Variants in LUZP2 observed in about 807,000 individuals in gnomAD.
LUZP2 encodes leucine zipper protein 2.
In LUZP2, 52 loss-of-function variants were observed where a neutral mutation model predicts 51.6. The observed-to-expected ratio is 1.01, with a 90% CI of 0.81 to 1.27. The LOEUF (loss-of-function observed/expected upper bound fraction) is 1.27. LUZP2 is among the 50% of genes most tolerant of loss of function. The pLI, the probability that LUZP2 is intolerant of heterozygous loss-of-function variation, is 0.00. For missense variants in LUZP2, 436 were observed against 395.4 expected, an observed-to-expected ratio of 1.10 and a Z score of -0.87; for synonymous variants, 154 against 137.3, an observed-to-expected ratio of 1.12 and a Z score of -0.85.
At chr11:25,020,215 G>C (rs1441719745) in intron 9 of LUZP2, among the ~76,000 whole-genome samples, 1 of 152,074 alleles carries the variant, frequency 6.6e-6, no homozygotes, top group Non-Finnish European at 1.5e-5. Flanking sequence ...ATTTTACTTT[G>C]GGGAAAATTA....
At chr11:24,673,899 A>G (rs1176787541) in intron 1 of LUZP2, among the ~76,000 whole-genome samples, 2 of 152,196 alleles carry the variant, frequency 1.3e-5, no homozygotes, top group African/African-American at 2.4e-5. Flanking sequence ...TTTGTTTTCT[A>G]TGACTATGTT....
At chr11:24,908,924 G>A (rs1853544646) in intron 6 of LUZP2, among the ~76,000 whole-genome samples, 2 of 151,340 alleles carry the variant, frequency 1.3e-5, no homozygotes, top group Non-Finnish European at 1.5e-5. Context: ...ACCACACCCA[G>A]CTAATTTTTT....
rs191657970 is a variant in LUZP2, at chr11:24,907,838, T to G, written c.459+1785T>G. Among the ~76,000 whole-genome samples, 70 of 152,310 alleles carry G rather than the reference T, an allele frequency of 4.6e-4. 3 individuals are homozygous for G. In the South Asian group the frequency reaches 0.012, roughly 26 times the overall value. On this transcript the variant is annotated intron_variant, in intron 6 of 11. Transcript: ENST00000336930. The stretch of plus-strand genomic sequence containing the variant: ...TTCTTCATCTCAATGCCTTTGAGAA[T>G]ATATTATCCCTGAATTGTTAGATAC...
At chr11:24,770,235 G>T (rs12164815) in intron 5 of LUZP2, among the ~76,000 whole-genome samples, 12,212 of 152,212 alleles carry the variant, frequency 0.08, 1,063 homozygotes, top group African/African-American at 0.22. Flanking sequence ...ATATAAGAAA[G>T]GCTTGGGAAT....
At chr11:24,578,664 A>G (rs1396805371) in intron 1 of LUZP2, among the ~76,000 whole-genome samples, 1 of 152,136 alleles carries the variant, frequency 6.6e-6, no homozygotes, top group Non-Finnish European at 1.5e-5. Flanking sequence ...CTTATCCTAA[A>G]AAAATTAATG....
chr11:24,663,685 A>C (rs1438704431), intron 1 of LUZP2, among the ~76,000 whole-genome samples: 1 of 152,106 alleles, frequency 6.6e-6, no homozygotes, highest in East Asian at 1.9e-4. Context: ...ATCTCAACTT[A>C]AATTGTAGTT....
intron 7 of LUZP2, among the ~76,000 whole-genome samples, chr11:24,961,976 G>A (rs903893298): frequency 6.6e-6 from 1 of 151,820 alleles, no homozygotes; most frequent in Admixed American, 6.6e-5. Flanking sequence ...TTGCTTGTCT[G>A]TAAAGTATTT....
intron 5 of LUZP2, among the ~76,000 whole-genome samples, chr11:24,843,764 G>A (rs1851108942): frequency 6.6e-6 from 1 of 152,080 alleles, no homozygotes; most frequent in Admixed American, 6.5e-5. Flanking sequence ...ATGGGGGCGG[G>A]TGTTTCCTGT....
chr11:24,851,121 T>C (rs1376014157), intron 5 of LUZP2, among the ~76,000 whole-genome samples: 5 of 152,200 alleles, frequency 3.3e-5, no homozygotes, highest in Non-Finnish European at 5.9e-5. Context: ...TCTTGCCTAA[T>C]TGCCCTGGCC....
At position 24,897,322 on chromosome 11, in the gene LUZP2, G is replaced by A. The variant is rs141827782; in HGVS notation, c.397-8669G>A. Among the ~76,000 whole-genome samples the A allele has an allele frequency of 2.0e-3, 312 of 152,258 alleles. 1 individual carries two copies. The highest frequency in any genetic ancestry group is 0.01 in the Middle Eastern group (3 of 294). ...CTGCAGGAGCCAGTAGTAGCAACCC[G>A]CCTCTGTGGAAGCTTTGTTGTTTTG... On this transcript the variant is annotated intron_variant, in intron 5 of 11. Transcript: ENST00000336930.
chr11:25,028,835 A>T (rs1373436978), intron 9 of LUZP2, among the ~76,000 whole-genome samples: 5 of 152,132 alleles, frequency 3.3e-5, no homozygotes, highest in Non-Finnish European at 7.3e-5. Flanking sequence ...ACTATAATTA[A>T]TCTTGTTCTT....
intron 5 of LUZP2, among the ~76,000 whole-genome samples, chr11:24,824,547 A>C (rs1408168674): frequency 6.6e-6 from 1 of 151,936 alleles, no homozygotes; most frequent in Non-Finnish European, 1.5e-5. Context: ...GAAGTAAGTC[A>C]CAAAATTACA....
intron 7 of LUZP2, among the ~76,000 whole-genome samples, chr11:24,951,980 T>G (rs1855092338): frequency 6.6e-6 from 1 of 151,722 alleles, no homozygotes; most frequent in African/African-American, 2.4e-5. Context: ...ACATGGTAGA[T>G]AATTGATACA....
chr11:24,766,841 A>AC lies in LUZP2; in HGVS notation c.396+3533_396+3534insC, dbSNP rs200743820. Among the ~76,000 whole-genome samples the AC allele has an allele frequency of 9.4e-3, 1,433 of 152,288 alleles. 18 individuals are homozygous for AC. The highest frequency in any genetic ancestry group is 0.032 in the African/African-American group (1,341 of 41,544). ...CAGTGGCGCGATCTCAGCTCACTGC[A>AC]ACCTCCACCTCTTGGGTTCAAGTGA... On this transcript the variant is annotated intron_variant, in intron 5 of 11. Transcript: ENST00000336930.
At chr11:24,729,637 C>A (rs1207202501) in intron 2 of LUZP2, among the ~76,000 whole-genome samples, 1 of 151,784 alleles carries the variant, frequency 6.6e-6, no homozygotes, top group Non-Finnish European at 1.5e-5. Flanking sequence ...TTAAATTCCC[C>A]ACGGGATAAT....
intron 9 of LUZP2, among the ~76,000 whole-genome samples, chr11:25,008,166 C>T (rs1856886773): frequency 1.3e-5 from 2 of 152,204 alleles, no homozygotes; most frequent in African/African-American, 4.8e-5. Flanking sequence ...TATTGGGCTG[C>T]ACTCAGCTCA....
rs75729341 is a variant in LUZP2 at position 25,050,696 on chromosome 11, G to A, written c.858+566G>A. Among the ~76,000 whole-genome samples, 1,015 of 152,098 alleles carry A rather than the reference G, an allele frequency of 6.7e-3. 30 individuals are homozygous for A. In the East Asian group the frequency reaches 0.094, roughly 14 times the overall value. On this transcript the variant is annotated intron_variant, in intron 10 of 11. Coordinates refer to ENST00000336930, the MANE Select transcript of LUZP2 (RefSeq NM_001009909.4). ...ACTGTGAATATGAGTTTTTAGAGAGGTAAGTGGAGGACCACAGGCTAAGCA... is the reference window on the plus strand; with the variant it reads ...ACTGTGAATATGAGTTTTTAGAGAGATAAGTGGAGGACCACAGGCTAAGCA...
chr11:24,924,241 C>A (rs1357657849), intron 7 of LUZP2, among the ~76,000 whole-genome samples: 1 of 152,028 alleles, frequency 6.6e-6, no homozygotes, highest in Non-Finnish European at 1.5e-5. Context: ...CCACGCCCAG[C>A]TAATTTTTGT....
intron 9 of LUZP2, among the ~76,000 whole-genome samples, chr11:25,027,854 A>G (rs541651436): frequency 1.0e-3 from 139 of 137,052 alleles, no homozygotes; most frequent in African/African-American, 3.2e-3. Flanking sequence ...TGGGCGAAAG[A>G]ACGAAATTCC....
Sources: allele counts gnomAD v4.1 joint callset (sites outside exome capture counted in the v4.1 genomes callset), GRCh38; gene constraint gnomAD v4.1.1; transcripts MANE v1.5; gene names NCBI Gene and HGNC (gene_info 2026-07-23, HGNC 2026-07-21).